Variants in ARL16 observed in about 807,000 individuals in gnomAD.
The protein encoded by ARL16 is ADP-ribosylation factor-like protein 16.
ARL16 carries 21 observed loss-of-function variants against 14.1 expected under a neutral mutation model. The ratio of observed to expected loss-of-function variants is 1.48; its 90% CI spans 1.05 to 2.14. ARL16 has a LOEUF of 2.14. Among genes scored for constraint, ARL16 ranks in the 30% most tolerant of loss-of-function variants. The pLI is 0.00. For missense variants in ARL16, 248 were observed against 222.0 expected, an observed-to-expected ratio of 1.12 and a Z score of -0.74; for synonymous variants, 122 against 91.8, an observed-to-expected ratio of 1.33 and a Z score of -1.88.
At chr17:81,683,398 C>G (rs1216379362) in intron 2 of ARL16, 138 bp downstream of exon 2, 6 of 1,191,956 alleles carry the variant, frequency 5.0e-6, no homozygotes, top group African/African-American at 3.1e-5. Flanking sequence ...CAGCTCGGGC[C>G]GTCCCCCGCT....
chr17:81,683,286 C>T (rs2036893637), intron 2 of ARL16, 160 bp from the exon 3 acceptor site: 2 of 819,276 alleles, frequency 2.4e-6, no homozygotes, highest in African/African-American at 1.7e-5. Context: ...CCATCAGTAG[C>T]TGGACTCGCT....
At chr17:81,682,965 A>G in intron 3 of ARL16, 48 bp downstream of exon 3, 1 of 1,527,112 alleles carries the variant, frequency 6.5e-7, no homozygotes, top group Non-Finnish European at 9.1e-7. Flanking sequence ...CGTCACAGAA[A>G]TGTAGACACA....
At chr17:81,683,373 C>T (rs1473167800) in intron 2 of ARL16, 163 bp downstream of exon 2, 2 of 1,053,312 alleles carry the variant, frequency 1.9e-6, no homozygotes, top group African/African-American at 3.2e-5. Flanking sequence ...CCCCTCATCC[C>T]GCGCCAATTA....
intron 3 of ARL16, 102 bp downstream of exon 3, chr17:81,682,911 A>G (rs2036880069): frequency 9.4e-7 from 1 of 1,058,480 alleles, no homozygotes; most frequent in Non-Finnish European, 1.5e-6. Flanking sequence ...TAGTCACTAA[A>G]TAACCCAAAC....
chr17:81,683,464 G>A (rs1197331368), intron 2 of ARL16, 72 bp downstream of exon 2: 3 of 1,452,424 alleles, frequency 2.1e-6, no homozygotes, highest in African/African-American at 1.4e-5. Flanking sequence ...CGTGCACTTA[G>A]AGGAGCCCGG....
Position 81,681,659 on chromosome 17 carries a change from C to T in ARL16, c.*49G>A. 1 of 1,523,804 alleles carries T rather than the reference C, an allele frequency of 6.6e-7. No homozygotes were observed. 94.4% of individuals were successfully genotyped at this position (1,523,804 alleles called of 1,614,324 possible). ...ACTATTGGCAGCAAAGCCATACTGC[C>T]CTCTGCCACCTCTCCCCAGCTCAGG... On this transcript the variant is annotated 3_prime_UTR_variant, in exon 5 of 5. Transcript: ENST00000622299.
chr17:81,682,183 C>T (rs764698874), intron 3 of ARL16, 34 bp from the exon 4 acceptor site: 3 of 1,504,402 alleles, frequency 2.0e-6, no homozygotes, highest in Admixed American at 2.1e-5. Context: ...AGCAATGCCC[C>T]GCTGCCAAAC....
At chr17:81,682,790 A>G (rs1005196970) in intron 3 of ARL16, 5 of 577,402 alleles carry the variant, frequency 8.7e-6, no homozygotes, top group Non-Finnish European at 1.5e-5. Flanking sequence ...CCCTGCCCTC[A>G]GCAAGCCCTC....
At chr17:81,682,203 T>C in intron 3 of ARL16, 54 bp from the exon 4 acceptor site, 1 of 1,371,992 alleles carries the variant, frequency 7.3e-7, no homozygotes. Context: ...CTTCCTCCCC[T>C]GGGCCTCACA....
At position 81,683,387 on chromosome 17, in the gene ARL16, T is replaced by C. The variant is rs923455761; in HGVS notation, c.120+149A>G. ...CCCCCTCATCCCGCGCCAATTATCC[T>C]CAGCTCGGGCCGTCCCCCGCTCCCG... On this transcript the variant is annotated intron_variant, in intron 2 of 4. Coordinates refer to ENST00000622299, the MANE Select transcript of ARL16 (RefSeq NM_001040025.3). 5.3e-6 allele frequency: 6 copies of C among 1,137,436 alleles called. No homozygotes were observed. In the African/African-American group the frequency reaches 9.5e-5, roughly 18 times the overall value. 70.5% of individuals were successfully genotyped at this position (1,137,436 alleles called of 1,614,324 possible).
Position 81,683,037 on chromosome 17 carries a change from G to A in ARL16, c.210C>T (p.Tyr70=), listed in dbSNP as rs746632191. 21 of 1,613,616 alleles carry A rather than the reference G, an allele frequency of 1.3e-5. No homozygotes were observed. Among genetic ancestry groups the A allele is most frequent in the Middle Eastern group, 3.3e-4 (2 of 6,084 alleles). The change falls in exon 3 of 5, where the codon TAC becomes TAT. Residue 70 remains tyrosine, a synonymous_variant. Transcript: ENST00000622299. ...GGCMGPIWSS[Y]YGNCRSLLFV... ...CCAGGAGAGAACGGCAGTTTCCATA[G>A]TAACTGGACCAGATGGGGCCCATGC...
At chr17:81,682,872 C>G (rs2036878162) in intron 3 of ARL16, 141 bp downstream of exon 3, 1 of 749,332 alleles carries the variant, frequency 1.3e-6, no homozygotes, top group Admixed American at 2.8e-5. Flanking sequence ...GGAAGCAACA[C>G]TAGCTAAGAC....
At position 81,683,132 on chromosome 17, in the gene ARL16, G is replaced by A. The variant is rs923557620; in HGVS notation, c.121-6C>T. On this transcript the variant is annotated splice_polypyrimidine_tract_variant and splice_region_variant and intron_variant, in intron 2 of 4. Transcript: ENST00000622299. ...TCAGTAAGATTGGTGCCCACCTATA[G>A]GAAAAACCACGATGCAAAAAGAACA... The A allele has an allele frequency of 1.2e-6, 2 of 1,602,846 alleles. No homozygotes were observed. The highest frequency in any genetic ancestry group is 1.8e-5 in the Admixed American group (1 of 56,886).
chr17:81,683,722 C>T lies in ARL16; in HGVS notation c.32G>A (p.Gly11Glu). 1 of 1,607,458 alleles carries T rather than the reference C, an allele frequency of 6.2e-7. No homozygotes were observed. Among genetic ancestry groups the T allele is most frequent in the Non-Finnish European group, 8.5e-7 (1 of 1,178,200 alleles). Reference protein sequence around the residue: MCLLLGATGVGKTLLVKRLQE... With the variant: MCLLLGATGVEKTLLVKRLQE... ...CAGCCGTTTCACCAGCAGCGTCTTC[C>T]CGACGCCCGTGGCCCCCAGCAGGAG... The change falls in exon 1 of 5, where the codon GGG (glycine) becomes GAG (glutamate). Residue 11 changes from glycine (G) to glutamate (E), a missense_variant. By Grantham distance (98) the Gly-to-Glu change is moderately conservative (BLOSUM62 -2). Transcript: ENST00000622299.
intron 2 of ARL16, 43 bp downstream of exon 2, chr17:81,683,493 G>C: frequency 6.6e-7 from 1 of 1,518,094 alleles, no homozygotes; most frequent in Admixed American, 2.2e-5. Flanking sequence ...GCCAAGCGCA[G>C]AACTGACCCC....
intron 3 of ARL16, 131 bp downstream of exon 3, chr17:81,682,882 C>T (rs745786706): frequency 1.2e-5 from 10 of 827,218 alleles, no homozygotes; most frequent in African/African-American, 1.2e-4. Context: ...CTAGCTAAGA[C>T]CTATTTCCAT....
chr17:81,683,288 G>T, intron 2 of ARL16, 162 bp from the exon 3 acceptor site: 1 of 822,220 alleles, frequency 1.2e-6, no homozygotes, highest in South Asian at 1.8e-5. Context: ...ATCAGTAGCT[G>T]GACTCGCTGT....
intron 4 of ARL16, 59 bp from the exon 5 acceptor site, chr17:81,681,938 C>A: frequency 6.4e-7 from 1 of 1,568,496 alleles, no homozygotes; most frequent in Non-Finnish European, 8.7e-7. Context: ...CCCCGGACCC[C>A]CAGCTGCACC....
In ARL16 at chr17:81,683,041, CTG is replaced by C. The variant is rs1568208398; in HGVS notation, c.204_205del (p.Ser69LeufsTer16). 1 of 1,613,732 alleles carries C rather than the reference CTG, an allele frequency of 6.2e-7. No individual in the cohort carries two copies. The highest frequency in any genetic ancestry group is 1.7e-5 in the Admixed American group (1 of 60,018). On this transcript the variant is annotated frameshift_variant, in exon 3 of 5. Transcript: ENST00000622299. LOFTEE classifies it high-confidence loss of function. ...GAGAGAACGGCAGTTTCCATAGTAACTGGACCAGATGGGGCCCATGCACCCCC... is the reference window on the plus strand; with the variant it reads ...GAGAGAACGGCAGTTTCCATAGTAACGACCAGATGGGGCCCATGCACCCCC...
Sources: gnomAD v4.1 joint callset for allele counts on GRCh38, gnomAD v4.1.1 for gene constraint, MANE v1.5 for transcripts, NCBI Gene and HGNC (gene_info 2026-07-23, HGNC 2026-07-21) for gene names.